DCAF8: variants seen among roughly 807,000 people sequenced by gnomAD.
DCAF8 encodes the protein DDB1 and CUL4 associated factor 8.
In DCAF8, 20 loss-of-function variants were observed where a neutral mutation model predicts 68.0. The ratio of observed to expected loss-of-function variants is 0.29; its 90% CI spans 0.21 to 0.43. DCAF8 has a LOEUF of 0.43. Ranked by LOEUF, DCAF8 falls within the 20% of genes least tolerant of loss-of-function variation. DCAF8 has a pLI of 1.00. For synonymous variants in DCAF8, 230 were observed against 276.9 expected (o/e 0.83, Z 1.68); for missense variants, 460 against 771.0 (o/e 0.60, Z 4.78).
At chr1:160,241,197 G>T (rs1656101504) in intron 3 of DCAF8, among the ~76,000 whole-genome samples, 1 of 152,060 alleles carries the variant, frequency 6.6e-6, no homozygotes, top group African/African-American at 2.4e-5. Context: ...TAAATCCTAA[G>T]CTTCTTCCCC....
Position 160,239,713 on chromosome 1 carries a change from T to C in DCAF8, c.707A>G (p.Lys236Arg). The change falls in exon 4 of 14, where the codon AAA becomes AGA. Residue 236 changes from lysine (K) to arginine (R), a missense_variant. This residue lies in a region of DCAF8 where 170 missense variants were observed against 318.2 expected (regional missense o/e 0.53). Coordinates refer to ENST00000368074, the MANE Select transcript of DCAF8 (RefSeq NM_015726.4). Reference sequence around the variant, plus strand: ...TTGCCTCACCTGGAACACATTACTTTTGTGGCCACTCTCAAAGTCCAGTAC... The same window carrying C: ...TTGCCTCACCTGGAACACATTACTTCTGTGGCCACTCTCAAAGTCCAGTAC... ...QPVLDFESGHKSNVFQAKFLP... is the reference protein window; with the variant it reads ...QPVLDFESGHRSNVFQAKFLP... The C allele has an allele frequency of 1.9e-6, 3 of 1,614,236 alleles. No homozygotes were observed. Among genetic ancestry groups the C allele is most frequent in the Non-Finnish European group, 2.5e-6 (3 of 1,180,034 alleles).
rs906842016 is a variant in DCAF8, at chr1:160,262,459, G to A, written c.-111C>T. 7.5e-6 allele frequency: 3 copies of A among 401,240 alleles called. No homozygotes were observed. The highest frequency in any genetic ancestry group is 1.3e-5 in the Non-Finnish European group (3 of 227,890). 24.9% of individuals were successfully genotyped at this position (401,240 alleles called of 1,614,324 possible). On this transcript the variant is annotated 5_prime_UTR_variant, in exon 1 of 14. Coordinates refer to ENST00000368074, the MANE Select transcript of DCAF8 (RefSeq NM_015726.4). The stretch of plus-strand genomic sequence containing the variant: ...CCGCCGCCATCTTACACTGGCCAGC[G>A]GCCGCCACCACCACCGCCTCCGCTC...
chr1:160,219,304 C>G (rs1655223662), intron 11 of DCAF8: 1 of 201,686 alleles, frequency 5.0e-6, no homozygotes, highest in South Asian at 1.8e-4. Flanking sequence ...CTCATTCACT[C>G]CAGATTCCAA....
intron 2 of DCAF8, among the ~76,000 whole-genome samples, chr1:160,249,396 T>C (rs1656489238): frequency 6.6e-6 from 1 of 152,244 alleles, no homozygotes; most frequent in Admixed American, 6.5e-5. Context: ...ACACTGTTAC[T>C]AGAAATGCAA....
intron 6 of DCAF8, 21 bp downstream of exon 6, chr1:160,237,114 T>G (rs766404969): frequency 6.6e-7 from 1 of 1,510,772 alleles, no homozygotes. Flanking sequence ...AGTTCTGTAA[T>G]GATATTACTG....
intron 2 of DCAF8, among the ~76,000 whole-genome samples, chr1:160,258,735 G>C (rs1656941058): frequency 6.8e-6 from 1 of 147,090 alleles, no homozygotes; most frequent in Non-Finnish European, 1.5e-5. Flanking sequence ...AGGCAACAAA[G>C]TGAGACCCTA....
At chr1:160,218,646 C>T (rs993492614) in intron 12 of DCAF8, among the ~76,000 whole-genome samples, 1 of 152,202 alleles carries the variant, frequency 6.6e-6, no homozygotes, top group Non-Finnish European at 1.5e-5. Flanking sequence ...TCCTTATCCC[C>T]ATCCTATTAC....
At chr1:160,256,217 C>T (rs915371535) in intron 2 of DCAF8, among the ~76,000 whole-genome samples, 1 of 151,960 alleles carries the variant, frequency 6.6e-6, no homozygotes, top group African/African-American at 2.4e-5. Flanking sequence ...CTAGGGAAAT[C>T]TACTTTTCAT....
At chr1:160,239,505 A>C (rs1656016796) in intron 4 of DCAF8, 192 bp downstream of exon 4, 1 of 1,490,560 alleles carries the variant, frequency 6.7e-7, no homozygotes, top group African/African-American at 1.4e-5. Flanking sequence ...CCAACAGTCC[A>C]CATGCTCAAG....
intron 2 of DCAF8, among the ~76,000 whole-genome samples, chr1:160,247,998 A>G (rs1236116188): frequency 6.6e-6 from 1 of 152,224 alleles, no homozygotes; most frequent in African/African-American, 2.4e-5. Context: ...AATCAGTTGG[A>G]TTTATCAAAA....
At chr1:160,248,065 G>T (rs1174218302) in intron 2 of DCAF8, among the ~76,000 whole-genome samples, 1 of 152,130 alleles carries the variant, frequency 6.6e-6, no homozygotes, top group Non-Finnish European at 1.5e-5. Flanking sequence ...CAGCACTTTG[G>T]GAGGCCAAGG....
intron 2 of DCAF8, among the ~76,000 whole-genome samples, chr1:160,259,865 C>T (rs1657004928): frequency 6.6e-6 from 1 of 152,110 alleles, no homozygotes; most frequent in Non-Finnish European, 1.5e-5. Context: ...TTGAAATATA[C>T]ATACACCAAT....
intron 2 of DCAF8, among the ~76,000 whole-genome samples, chr1:160,253,852 G>A (rs1014068645): frequency 6.6e-6 from 1 of 151,366 alleles, no homozygotes; most frequent in Admixed American, 6.6e-5. Flanking sequence ...AAACCAAGAA[G>A]GTAAGGAGGA....
intron 11 of DCAF8, 154 bp from the exon 12 acceptor site, chr1:160,219,122 G>A: frequency 1.0e-6 from 1 of 979,616 alleles, no homozygotes; most frequent in Non-Finnish European, 1.5e-6. Flanking sequence ...AAGCCAAAGG[G>A]CACTGAGGGT....
chr1:160,248,296 G>C (rs1409430387), intron 2 of DCAF8, among the ~76,000 whole-genome samples: 2 of 148,838 alleles, frequency 1.3e-5, no homozygotes, highest in Non-Finnish European at 3.0e-5. Flanking sequence ...GACAAAGAGA[G>C]ACTCCATCTA....
At chr1:160,221,932 G>A (rs1655310748) in intron 11 of DCAF8, among the ~76,000 whole-genome samples, 1 of 152,020 alleles carries the variant, frequency 6.6e-6, no homozygotes, top group African/African-American at 2.4e-5. Context: ...CTCCACAGAG[G>A]GCTGCAGAAC....
chr1:160,221,814 T>C (rs1362613963), intron 11 of DCAF8, among the ~76,000 whole-genome samples: 1 of 127,694 alleles, frequency 7.8e-6, no homozygotes, highest in Non-Finnish European at 1.6e-5. Flanking sequence ...TAATTCTAGG[T>C]CTCAAAAAAA....
chr1:160,225,024 G>A (rs1411971162), intron 9 of DCAF8, 38 bp downstream of exon 9: 1 of 1,605,086 alleles, frequency 6.2e-7, no homozygotes, highest in Non-Finnish European at 8.5e-7. Flanking sequence ...TAGACAGAGG[G>A]GGCATGCCAG....
chr1:160,224,336 A>G (rs1168784270), intron 10 of DCAF8, 106 bp downstream of exon 10: 1 of 792,176 alleles, frequency 1.3e-6, no homozygotes, highest in East Asian at 2.5e-5. Flanking sequence ...CTCAGTGCCC[A>G]TGGCAACACA....
Sources: allele counts gnomAD v4.1 joint callset (sites outside exome capture counted in the v4.1 genomes callset), GRCh38; gene constraint gnomAD v4.1.1; regional missense constraint gnomAD v4.1.1; transcripts MANE v1.5; gene names NCBI Gene and HGNC (gene_info 2026-07-23, HGNC 2026-07-21).